The following NRBP1 variants were observed in gnomAD, a reference collection of about 807,000 sequenced individuals.
NRBP1 encodes nuclear receptor-binding protein.
NRBP1 carries 10 observed loss-of-function variants against 76.0 expected under a neutral mutation model. The observed-to-expected ratio is 0.13, with a 90% CI of 0.08 to 0.22. NRBP1 has a LOEUF of 0.22. NRBP1 is among the 10% of genes least tolerant of loss of function. The probability of loss-of-function intolerance (pLI) is 1.00; values close to 1 mark genes in which losing one functional copy is unlikely to be tolerated. For missense variants in NRBP1, 344 were observed against 646.0 expected (o/e 0.53, Z 5.07); for synonymous variants, 235 against 240.2 (o/e 0.98, Z 0.20).
intron 1 of NRBP1, chr2:27,429,070 C>CCGGCGGCCTGCGGAAGCT (rs1325346012): frequency 9.9e-5 from 18 of 180,950 alleles, no homozygotes; most frequent in Admixed American, 8.1e-4. Context: ...CGGTCGCGGC[C>CCGGCGGCCTGCGGAAGCT]CGGCGGCCTG....
intron 10 of NRBP1, among the ~76,000 whole-genome samples, chr2:27,437,594 G>A (rs905000405): frequency 1.3e-5 from 2 of 152,192 alleles, no homozygotes; most frequent in Admixed American, 6.5e-5. Flanking sequence ...GTTGGAAGCC[G>A]GGCATGGTGG....
Position 27,440,920 on chromosome 2 carries a change from G to C in NRBP1, c.1309G>C (p.Ala437Pro). 1 of 1,613,742 alleles carries C rather than the reference G, an allele frequency of 6.2e-7. No individual in the cohort carries two copies. Among genetic ancestry groups the C allele is most frequent in the Non-Finnish European group, 8.5e-7 (1 of 1,180,038 alleles). Residue 437 changes from alanine (A) to proline (P), a missense_variant, in exon 14 of 18, where the codon GCT becomes CCT. Around this residue, in one of 3 missense-constraint regions of NRBP1, gnomAD observed 218 missense variants for 309.8 expected, o/e 0.70. Coordinates refer to ENST00000379852, the MANE Select transcript of NRBP1 (RefSeq NM_013392.4). ...PSVKTPTPEP[A>P]EVETRKVVLM... ...TGTCAAGACTCCGACACCTGAACCA[G>C]CTGAGGTGGAGACTCGCAAGGTGGG...
chr2:27,435,343 A>G (rs1335678031), intron 7 of NRBP1, 116 bp downstream of exon 7: 1 of 783,214 alleles, frequency 1.3e-6, no homozygotes, highest in African/African-American at 1.7e-5. Flanking sequence ...GCTGGTGAGA[A>G]GAGAAAGGAC....
At chr2:27,440,164 A>T (rs1664478757) in intron 11 of NRBP1, among the ~76,000 whole-genome samples, 1 of 151,724 alleles carries the variant, frequency 6.6e-6, no homozygotes, top group Non-Finnish European at 1.5e-5. Flanking sequence ...GGCATGTGCC[A>T]CCATGCCTGG....
intron 10 of NRBP1, 122 bp from the exon 11 acceptor site, chr2:27,439,643 TC>T (rs1664449728): frequency 1.9e-6 from 2 of 1,047,462 alleles, no homozygotes; most frequent in Middle Eastern, 2.4e-4. Context: ...TATATTGTTT[TC>T]TCAGCAAGTG....
intron 7 of NRBP1, chr2:27,435,999 C>G: frequency 1.7e-6 from 1 of 586,260 alleles, no homozygotes; most frequent in East Asian, 2.8e-5. Flanking sequence ...AGGCTAGTTC[C>G]CAGATCATAC....
chr2:27,439,259 G>A (rs1420926232), intron 10 of NRBP1, among the ~76,000 whole-genome samples: 1 of 151,936 alleles, frequency 6.6e-6, no homozygotes, highest in African/African-American at 2.4e-5. Context: ...AGGCTGAGGC[G>A]GGTGGATCAC....
intron 10 of NRBP1, among the ~76,000 whole-genome samples, chr2:27,438,556 C>G (rs1168621640): frequency 2.0e-5 from 3 of 152,172 alleles, no homozygotes; most frequent in Non-Finnish European, 4.4e-5. Context: ...GTTTCTACTT[C>G]AACATTGAGG....
Position 27,440,910 on chromosome 2 carries a change from A to C in NRBP1, c.1299A>C (p.Thr433=), listed in dbSNP as rs1201635855. The change falls in exon 14 of 18, where the codon ACA becomes ACC. Residue 433 remains threonine, a synonymous_variant. Coordinates refer to ENST00000379852, the MANE Select transcript of NRBP1 (RefSeq NM_013392.4). ...PVVPPSVKTP[T]PEPAEVETRK... Reference sequence around the variant, plus strand: ...TGCCCCCCTCTGTCAAGACTCCGACACCTGAACCAGCTGAGGTGGAGACTC... The same window carrying C: ...TGCCCCCCTCTGTCAAGACTCCGACCCCTGAACCAGCTGAGGTGGAGACTC... The C allele has an allele frequency of 6.2e-7, 1 of 1,613,696 alleles. No individual in the cohort carries two copies. Among genetic ancestry groups the C allele is most frequent in the African/African-American group, 1.3e-5 (1 of 74,918 alleles).
At chr2:27,430,687 T>C (rs1461538115) in intron 1 of NRBP1, among the ~76,000 whole-genome samples, 1 of 152,042 alleles carries the variant, frequency 6.6e-6, no homozygotes, top group African/African-American at 2.4e-5. Context: ...CTCGAACTCT[T>C]GAGCTCAAGC....
Position 27,442,150 on chromosome 2 carries a change from C to T in NRBP1, c.*338C>T, listed in dbSNP as rs980098469. 2.1e-5 allele frequency: 11 copies of T among 532,514 alleles called. No homozygotes were observed. The highest frequency in any genetic ancestry group is 3.0e-5 in the Non-Finnish European group (9 of 305,062). 33.0% of individuals were successfully genotyped at this position (532,514 alleles called of 1,614,324 possible). A position where few individuals can be genotyped will look rare whatever the true frequency, so the allele number is the denominator to read the frequency against. ...CTAGGGGAGCCGAATTCTACAATCC[C>T]GCTGGGGCGGCCGGGGCGGGAGAGA... On this transcript the variant is annotated 3_prime_UTR_variant, in exon 18 of 18. Transcript: ENST00000379852.
rs70953859 is a variant in NRBP1, at chr2:27,439,995, C to CT, written c.1036+133dup. On this transcript the variant is annotated intron_variant, in intron 11 of 17. Transcript: ENST00000379852. ...TTTCCTCTTTATTTCCAAAGGGATT[C>CT]TTTTTTTTTTTTTTTTTTTTTTTTT... 2,157 of 459,214 alleles carry CT rather than the reference C, an allele frequency of 4.7e-3. 583 individuals carry two copies. Among genetic ancestry groups the CT allele is most frequent in the East Asian group, 6.9e-3 (67 of 9,642 alleles). The allele number at this position is 459,214 out of a possible 1,614,324, so 28.4% of individuals were successfully genotyped here. A position where few individuals can be genotyped will look rare whatever the true frequency, so the allele number is the denominator to read the frequency against.
chr2:27,434,438 T>C (rs781317256), intron 4 of NRBP1, 33 bp from the exon 5 acceptor site: 2 of 1,375,082 alleles, frequency 1.5e-6, no homozygotes, highest in East Asian at 2.3e-5. Context: ...ATTTCTACTA[T>C]AAGGCCTTTT....
Position 27,434,769 on chromosome 2 carries a change from A to T in NRBP1, c.566+7A>T, listed in dbSNP as rs550934413. Reference sequence around the variant, plus strand: ...AAATCCTCTCTGCCCTAAGGTAAGTAGTACCTGGTTAGTTTCTTACCCATA... The same window carrying T: ...AAATCCTCTCTGCCCTAAGGTAAGTTGTACCTGGTTAGTTTCTTACCCATA... On this transcript the variant is annotated splice_region_variant and intron_variant, in intron 6 of 17. Coordinates refer to ENST00000379852, the MANE Select transcript of NRBP1 (RefSeq NM_013392.4). 4.8e-5 allele frequency: 78 copies of T among 1,613,768 alleles called. 1 individual carries two copies. The South Asian group carries it at 8.3e-4, about 17-fold the overall frequency.
chr2:27,435,720 C>T lies in NRBP1; in HGVS notation c.661+493C>T, dbSNP rs1363942649. Reference sequence around the variant, plus strand: ...CGCTTACGGGCTGCTCTGTTCCCAACAGTCTTTCATAGGATTTTTGCTAAT... The same window carrying T: ...CGCTTACGGGCTGCTCTGTTCCCAATAGTCTTTCATAGGATTTTTGCTAAT... On this transcript the variant is annotated intron_variant, in intron 7 of 17. Transcript: ENST00000379852. 4.2e-6 allele frequency: 3 copies of T among 717,540 alleles called. No homozygotes were observed. In the Admixed American group the frequency reaches 6.0e-5, roughly 14 times the overall value. The allele number at this position is 717,540 out of a possible 1,614,324, so 44.4% of individuals were successfully genotyped here.
chr2:27,440,969 C>G lies in NRBP1; in HGVS notation c.1329+29C>G, dbSNP rs372944278. Reference sequence around the variant, plus strand: ...GGGGCTGTGTGGGTGTGGATTGTCTCCATGGTTGTGGTGGAAGGGAGAGAG... The same window carrying G: ...GGGGCTGTGTGGGTGTGGATTGTCTGCATGGTTGTGGTGGAAGGGAGAGAG... On this transcript the variant is annotated intron_variant, in intron 14 of 17. Coordinates refer to ENST00000379852, the MANE Select transcript of NRBP1 (RefSeq NM_013392.4). The G allele has an allele frequency of 5.6e-6, 9 of 1,612,412 alleles. No individual in the cohort carries two copies. The African/African-American group carries it at 1.2e-4, about 22-fold the overall frequency.
At chr2:27,434,594 G>T in intron 5 of NRBP1, 34 bp downstream of exon 5, 1 of 1,602,442 alleles carries the variant, frequency 6.2e-7, no homozygotes, top group East Asian at 2.2e-5. Flanking sequence ...TTTGAGGCTG[G>T]TTTTTGGGGG....
intron 1 of NRBP1, among the ~76,000 whole-genome samples, chr2:27,430,495 G>A (rs1391009918): frequency 8.2e-6 from 1 of 122,596 alleles, no homozygotes; most frequent in Admixed American, 9.9e-5. Context: ...TTGAGTCATA[G>A]TCTCACTCTG....
In NRBP1 at chr2:27,434,084, G is replaced by A; in HGVS notation, c.429G>A (p.Lys143=). 6.2e-7 allele frequency: 1 copy of A among 1,611,956 alleles called. No homozygotes were observed. The highest frequency in any genetic ancestry group is 8.5e-7 in the Non-Finnish European group (1 of 1,178,640). Residue 143 remains lysine (K), a synonymous_variant, in exon 4 of 18, where the codon AAG becomes AAA. Transcript: ENST00000379852. ...ATTGGGCTGACATTAAAGAGAACAA[G>A]GCCAGGGTAAGAATTTTTTCCCCAT... is the stretch of plus-strand genomic sequence containing the variant. ...HKYWADIKEN[K]ARVIFITEYM...
Sources: allele counts gnomAD v4.1 joint callset (sites outside exome capture counted in the v4.1 genomes callset), GRCh38; gene constraint gnomAD v4.1.1; regional missense constraint gnomAD v4.1.1; transcripts MANE v1.5; gene names NCBI Gene and HGNC (gene_info 2026-07-23, HGNC 2026-07-21).